The following SSC5D variants were observed in gnomAD, a reference collection of about 807,000 sequenced individuals.
SSC5D encodes soluble scavenger receptor cysteine-rich domain-containing protein SSC5D.
SSC5D carries 106 observed loss-of-function variants against 104.6 expected under a neutral mutation model. The observed-to-expected ratio is 1.01, with a 90% CI of 0.87 to 1.19. The LOEUF is 1.19. SSC5D is among the 50% of genes most tolerant of loss of function. The probability of loss-of-function intolerance (pLI) is 0.00; values close to 1 mark genes in which losing one functional copy is unlikely to be tolerated. For synonymous variants in SSC5D, 860 were observed against 883.5 expected (o/e 0.97, Z 0.47); for missense variants, 1,993 against 2,153.8 (o/e 0.93, Z 1.48).
chr19:55,505,612 G>A (rs1169745760), intron 12 of SSC5D, among the ~76,000 whole-genome samples: 30 of 151,754 alleles, frequency 2.0e-4, no homozygotes, highest in Non-Finnish European at 4.4e-5. Flanking sequence ...AGCTTCTAGA[G>A]GCCACCTACA....
At position 55,494,473 on chromosome 19, in the gene SSC5D, C is replaced by G; in HGVS notation, c.1214-137C>G. ...GGGATGTGGAAAGCGTGGGCTGTGT[C>G]TAGGGAGGAGGTTCGGCAGGAAGAG... On this transcript the variant is annotated intron_variant, in intron 7 of 13. Transcript: ENST00000389623. 5 of 984,576 alleles carry G rather than the reference C, an allele frequency of 5.1e-6. No individual in the cohort carries two copies. In the South Asian group the frequency reaches 7.1e-5, roughly 14 times the overall value. 61.0% of individuals were successfully genotyped at this position (984,576 alleles called of 1,614,324 possible).
intron 13 of SSC5D, among the ~76,000 whole-genome samples, chr19:55,514,176 C>T (rs1987816240): frequency 1.3e-5 from 2 of 151,998 alleles, no homozygotes; most frequent in Non-Finnish European, 1.5e-5. Flanking sequence ...GAGGCTGAGG[C>T]GGGCAGATCA....
intron 12 of SSC5D, among the ~76,000 whole-genome samples, chr19:55,509,826 T>TGG (rs72469881): frequency 0.42 from 54,086 of 127,420 alleles, 11,909 homozygotes; most frequent in African/African-American, 0.57. Flanking sequence ...GCCATTGCAC[T>TGG]GCAACAAGAG....
rs1217087641 is a variant in SSC5D at position 55,518,828 on chromosome 19, C to G, written c.4552C>G (p.Arg1518Gly). The G allele has an allele frequency of 1.4e-5, 21 of 1,550,190 alleles. No homozygotes were observed. The highest frequency in any genetic ancestry group is 1.7e-5 in the Non-Finnish European group (19 of 1,146,986). ...GGTCGTGGAACAGGAGCGGCAGGAG[C>G]GCCAAGCCCTGCTGCTGGGGCTGAC... The part of the protein sequence containing the change: ...TQVVEQERQE[R>G]QALLLGLTQL... The change falls in exon 14 of 14, where the codon CGC becomes GGC. Residue 1518 changes from arginine (R) to glycine (G), a missense_variant. Physicochemically the swap from Arg to Gly is moderately radical, Grantham distance 125. Coordinates refer to ENST00000389623, the MANE Select transcript of SSC5D (RefSeq NM_001144950.2).
intron 12 of SSC5D, among the ~76,000 whole-genome samples, chr19:55,509,850 CAAAA>C (rs1250937223): frequency 0.049 from 3,686 of 75,704 alleles, 44 homozygotes; most frequent in East Asian, 0.15. Context: ...AACTCTGTCT[CAAAA>C]AAAAAAAAAA....
At chr19:55,496,133 C>T (rs1199564434) in intron 8 of SSC5D, among the ~76,000 whole-genome samples, 3 of 151,882 alleles carry the variant, frequency 2.0e-5, no homozygotes, top group African/African-American at 7.3e-5. Flanking sequence ...TCAGTGGGGC[C>T]GGTGGGGAGG....
Position 55,517,505 on chromosome 19 carries a change from A to T in SSC5D, c.3229A>T (p.Ser1077Cys). Reference sequence around the variant, plus strand: ...CTTTGCTTTGTCCACCCCTGACTCCAGTGTGGTTCCCGCGTTGACCCCGGA... The same window carrying T: ...CTTTGCTTTGTCCACCCCTGACTCCTGTGTGGTTCCCGCGTTGACCCCGGA... ...PDFALSTPDS[S>C]VVPALTPEPS... Residue 1077 changes from serine (S) to cysteine (C), a missense_variant, in exon 14 of 14, where the codon AGT (serine) becomes TGT (cysteine). Transcript: ENST00000389623. The T allele has an allele frequency of 6.4e-7, 1 of 1,551,182 alleles. No homozygotes were observed.
chr19:55,517,707 A>T lies in SSC5D; in HGVS notation c.3431A>T (p.Asp1144Val), dbSNP rs1187195422. The T allele has an allele frequency of 1.9e-6, 3 of 1,547,730 alleles. No homozygotes were observed. Among genetic ancestry groups the T allele is most frequent in the Non-Finnish European group, 2.6e-6 (3 of 1,145,920 alleles). ...GTCTCAGAATATTCTAGATCCCCAG[A>T]CCCCTCCCCAAGCCCTCACCCCACT... ...STVSEYSRSP[D>V]PSPSPHPTTT... The change falls in exon 14 of 14, where the codon GAC (aspartate) becomes GTC (valine). Residue 1144 changes from aspartate (D) to valine (V), a missense_variant. Physicochemically the swap from Asp to Val is radical, Grantham distance 152. This residue lies in a region of SSC5D where 423 missense variants were observed against 409.2 expected (regional missense o/e 1.03). Transcript: ENST00000389623.
intron 2 of SSC5D, 54 bp downstream of exon 2, chr19:55,489,086 T>A: frequency 1.2e-6 from 1 of 855,504 alleles, no homozygotes; most frequent in Non-Finnish European, 1.5e-6. Context: ...GCCTCCCCCT[T>A]CTGCCCATCC....
chr19:55,509,903 G>A (rs568058795), intron 12 of SSC5D, among the ~76,000 whole-genome samples: 6 of 148,322 alleles, frequency 4.0e-5, no homozygotes, highest in East Asian at 2.0e-4. Flanking sequence ...AAAGAAATAC[G>A]CGTATGAGAA....
Position 55,518,315 on chromosome 19 carries a change from A to T in SSC5D, c.4039A>T (p.Thr1347Ser). The change falls in exon 14 of 14, where the codon ACA (threonine) becomes TCA (serine). Residue 1347 changes from threonine to serine, a missense_variant. By Grantham distance (58) the Thr-to-Ser change is moderately conservative (BLOSUM62 1). This residue lies in a region of SSC5D where 349 missense variants were observed against 397.6 expected (regional missense o/e 0.88). Coordinates refer to ENST00000389623, the MANE Select transcript of SSC5D (RefSeq NM_001144950.2). ...TTVSLPTSLG[T>S]ELSSPTLAPT... ...TGTGTCCCTTCCAACCTCCTTGGGG[A>T]CAGAACTCTCCTCTCCCACTCTAGC... 2 of 1,534,008 alleles carry T rather than the reference A, an allele frequency of 1.3e-6. No individual in the cohort carries two copies. The highest frequency in any genetic ancestry group is 1.2e-5 in the South Asian group (1 of 83,898).
Position 55,499,947 on chromosome 19 carries a change from C to A in SSC5D, c.1837C>A (p.Leu613Met), listed in dbSNP as rs1170978086. 6.4e-7 allele frequency: 1 copy of A among 1,551,896 alleles called. No homozygotes were observed. Among genetic ancestry groups the A allele is most frequent in the Admixed American group, 2.0e-5 (1 of 50,976 alleles). ...KPSASVTASV[L>M]EKTTTKAPGK... ...CTCTGCAAGTGTGACTGCCAGTGTT[C>A]TGGAGAAAACAACCACGAAGGCCCC... Residue 613 changes from leucine to methionine, a missense_variant, in exon 10 of 14, where the codon CTG (leucine) becomes ATG (methionine). Transcript: ENST00000389623.
chr19:55,502,061 C>A (rs1987518657), intron 12 of SSC5D, among the ~76,000 whole-genome samples: 1 of 152,112 alleles, frequency 6.6e-6, no homozygotes, highest in South Asian at 2.1e-4. Flanking sequence ...CGCCACCACA[C>A]CCGGCTCATT....
rs752025553 is a variant in SSC5D, at chr19:55,517,301, C to T, written c.3025C>T (p.Pro1009Ser). 2 of 1,549,252 alleles carry T rather than the reference C, an allele frequency of 1.3e-6. No homozygotes were observed. The highest frequency in any genetic ancestry group is 1.2e-5 in the South Asian group (1 of 84,040). Residue 1009 changes from proline (P) to serine (S), a missense_variant, in exon 14 of 14, where the codon CCA (proline) becomes TCA (serine). This residue lies in a region of SSC5D where 423 missense variants were observed against 409.2 expected (regional missense o/e 1.03). Coordinates refer to ENST00000389623, the MANE Select transcript of SSC5D (RefSeq NM_001144950.2). ...ATRTAPPTPS[P>S]GPSASPGPPG... ...CAGGACAGCGCCCCCAACCCCGTCC[C>T]CAGGTCCCTCCGCCTCTCCGGGACC...
chr19:55,505,902 A>G (rs1398958634), intron 12 of SSC5D, among the ~76,000 whole-genome samples: 1 of 151,436 alleles, frequency 6.6e-6, no homozygotes, highest in Non-Finnish European at 1.5e-5. Context: ...ACTCCCGGCT[A>G]ATTTTTGTAT....
rs768350237 is a variant in SSC5D at position 55,500,017 on chromosome 19, CAA to C, written c.1909_1910del (p.Lys637GlufsTer34). The C allele has an allele frequency of 5.8e-6, 9 of 1,551,674 alleles. No homozygotes were observed. The South Asian group carries it at 1.1e-4, about 18-fold the overall frequency. ...ACTAAGAAGTGGGTGACAAAAAATG[CAA>C]AGAGACCAACCACTCAACCCCCAGT... On this transcript the variant is annotated frameshift_variant, in exon 10 of 14. Coordinates refer to ENST00000389623, the MANE Select transcript of SSC5D (RefSeq NM_001144950.2). LOFTEE classifies it high-confidence loss of function. This position sits in a 1 kb window ranked among gnomAD's most constrained non-coding sequence, Gnocchi z 4.6.
intron 3 of SSC5D, 49 bp downstream of exon 3, chr19:55,489,711 C>G (rs1987078142): frequency 9.2e-6 from 14 of 1,513,968 alleles, no homozygotes; most frequent in Non-Finnish European, 1.2e-5. Context: ...TTGGAGATGA[C>G]CCAGGAACCC....
intron 2 of SSC5D, 58 bp downstream of exon 2, chr19:55,489,090 C>T: frequency 2.0e-6 from 2 of 985,268 alleles, no homozygotes; most frequent in South Asian, 1.9e-5. Context: ...CCCCCTTCTG[C>T]CCATCCAGGC....
chr19:55,501,536 C>T (rs1267654047), intron 12 of SSC5D, among the ~76,000 whole-genome samples: 1 of 152,228 alleles, frequency 6.6e-6, no homozygotes, highest in African/African-American at 2.4e-5. Flanking sequence ...GTCCCCACCC[C>T]AGCTCCCCCA....
Sources: allele counts gnomAD v4.1 joint callset (sites outside exome capture counted in the v4.1 genomes callset), GRCh38; gene constraint gnomAD v4.1.1; regional missense constraint gnomAD v4.1.1; non-coding constraint Gnocchi (gnomAD v3.1); transcripts MANE v1.5; gene names NCBI Gene and HGNC (gene_info 2026-07-23, HGNC 2026-07-21).